NAA11: variants seen among roughly 807,000 people sequenced by gnomAD.
The protein encoded by NAA11 is N-alpha-acetyltransferase 11.
A neutral mutation model predicts 16.1 loss-of-function variants in NAA11; 15 were observed. The observed-to-expected ratio is 0.93, with a 90% CI of 0.62 to 1.44. NAA11 has a LOEUF of 1.44. Among genes scored for constraint, NAA11 ranks in the 40% most tolerant of loss-of-function variants. The pLI, the probability that NAA11 is intolerant of heterozygous loss-of-function variation, is 0.00. For missense variants in NAA11, 298 were observed against 291.3 expected (o/e 1.02, Z -0.17); for synonymous variants, 122 against 112.4 (o/e 1.09, Z -0.54).
chr4:79,200,473 T>C, the NAA11 span, among the ~76,000 whole-genome samples: 148 of 151,846 alleles, frequency 9.7e-4, no homozygotes, highest in African/African-American at 3.4e-3. Context: ...GATAAAACTG[T>C]GAAGGTATTG....
chr4:79,248,999 C>G (rs543437316), intron 2 of NAA11, among the ~76,000 whole-genome samples: 106 of 152,316 alleles, frequency 7.0e-4, no homozygotes, highest in African/African-American at 2.5e-3. Context: ...GAGCCCCCCC[C>G]CAGTGCAGCA....
chr4:79,220,159 C>T, the NAA11 span, among the ~76,000 whole-genome samples: 1 of 152,232 alleles, frequency 6.6e-6, no homozygotes, highest in Non-Finnish European at 1.5e-5. Flanking sequence ...GTGGCACGAT[C>T]TCGGCTCACT....
chr4:79,190,281 T>C, the NAA11 span, among the ~76,000 whole-genome samples: 1 of 152,216 alleles, frequency 6.6e-6, no homozygotes, highest in Non-Finnish European at 1.5e-5. Flanking sequence ...TTCACAGAGA[T>C]GAGATTTTGA....
intron 2 of NAA11, among the ~76,000 whole-genome samples, chr4:79,266,936 C>G (rs942434307): frequency 6.6e-6 from 1 of 152,068 alleles, no homozygotes; most frequent in Non-Finnish European, 1.5e-5. Context: ...CATATTCCAC[C>G]AACTCATAGA....
chr4:79,284,446 C>T (rs1189499974), intron 2 of NAA11, among the ~76,000 whole-genome samples: 1 of 152,056 alleles, frequency 6.6e-6, no homozygotes, highest in Non-Finnish European at 1.5e-5. Context: ...CCATGTCTAT[C>T]AATCAAGTTT....
At chr4:79,221,883 G>C (rs62310510), downstream of NAA11, among the ~76,000 whole-genome samples, 2 of 122,166 alleles carry the variant, frequency 1.6e-5, no homozygotes, top group East Asian at 4.9e-4. Flanking sequence ...AATGATGCTG[G>C]CCTCATAAAA....
the NAA11 span, among the ~76,000 whole-genome samples, chr4:79,190,456 C>CTTTTTTTTTTTTTTTTT: frequency 7.0e-6 from 1 of 142,574 alleles, no homozygotes; most frequent in Non-Finnish European, 1.5e-5. Flanking sequence ...TTGTCTCTCC[C>CTTTTTTTTTTTTTTTTT]TTTTTTTTTT....
the NAA11 span, among the ~76,000 whole-genome samples, chr4:79,208,260 G>A: frequency 2.6e-5 from 4 of 152,188 alleles, no homozygotes; most frequent in East Asian, 7.7e-4. Context: ...AAGCCTCAGT[G>A]TTCTAATCTG....
Position 79,317,571 on chromosome 4 carries a change from T to C in NAA11, c.*233A>G, listed in dbSNP as rs1560474498. On this transcript the variant is annotated 3_prime_UTR_variant, in exon 2 of 2. Transcript: ENST00000286794. ...GAGTAGGCCAAGAAAGGTTCTGTAA[T>C]GGCAGGTCTCAAAGTTCCTTGGCTG... The C allele has an allele frequency of 1.3e-5, 2 of 152,248 alleles. No homozygotes were observed. Among genetic ancestry groups the C allele is most frequent in the Non-Finnish European group, 2.9e-5 (2 of 68,090 alleles). The allele number at this position is 152,248 out of a possible 1,614,324, so 9.4% of individuals were successfully genotyped here.
intron 2 of NAA11, among the ~76,000 whole-genome samples, chr4:79,285,435 C>T (rs1474331727): frequency 6.6e-6 from 1 of 152,054 alleles, no homozygotes; most frequent in Admixed American, 6.5e-5. Context: ...CCAAGAGCAA[C>T]TCTAAGCTGC....
At chr4:79,260,521 G>A (rs1722226148) in intron 2 of NAA11, among the ~76,000 whole-genome samples, 2 of 152,184 alleles carry the variant, frequency 1.3e-5, no homozygotes, top group Admixed American at 1.3e-4. Flanking sequence ...TTTAGGTACA[G>A]TGTACATAGA....
At chr4:79,298,845 A>G (rs1723305729) in intron 1 of NAA11, among the ~76,000 whole-genome samples, 1 of 152,244 alleles carries the variant, frequency 6.6e-6, no homozygotes, top group South Asian at 2.1e-4. Context: ...GGAAATGGAC[A>G]TCCCGAAGAT....
the NAA11 span, among the ~76,000 whole-genome samples, chr4:79,181,105 C>G: frequency 0.81 from 122,652 of 151,850 alleles, 51,802 homozygotes; most frequent in East Asian, 1. Flanking sequence ...GGGAGGGATA[C>G]CATTAGGAGG....
intron 2 of NAA11, among the ~76,000 whole-genome samples, chr4:79,243,969 C>T (rs912891720): frequency 2.6e-5 from 4 of 152,206 alleles, no homozygotes; most frequent in Admixed American, 6.5e-5. Context: ...ATTGAGCATG[C>T]GCAGTGTGTT....
intron 2 of NAA11, among the ~76,000 whole-genome samples, chr4:79,287,244 G>A (rs1560449777): frequency 2.0e-5 from 3 of 152,028 alleles, no homozygotes; most frequent in Non-Finnish European, 2.9e-5. Context: ...GTCATATTAG[G>A]ACATTTAATT....
intron 2 of NAA11, among the ~76,000 whole-genome samples, chr4:79,247,999 C>T (rs989594114): frequency 5.9e-5 from 9 of 152,132 alleles, no homozygotes; most frequent in African/African-American, 2.2e-4. Context: ...TGCCTTGCTC[C>T]CCTAGGAGAC....
chr4:79,238,043 G>A (rs967855981), intron 2 of NAA11, among the ~76,000 whole-genome samples: 2 of 152,202 alleles, frequency 1.3e-5, no homozygotes, highest in African/African-American at 2.4e-5. Flanking sequence ...TCTAAGGAAT[G>A]TGCCAAGTAG....
At chr4:79,237,781 G>T (rs1448638057) in intron 2 of NAA11, among the ~76,000 whole-genome samples, 1 of 152,150 alleles carries the variant, frequency 6.6e-6, no homozygotes, top group African/African-American at 2.4e-5. Context: ...AAGCTTCCAA[G>T]CTACATGTGG....
chr4:79,284,958 G>C (rs138709708), intron 2 of NAA11, among the ~76,000 whole-genome samples: 28 of 152,130 alleles, frequency 1.8e-4, no homozygotes, highest in African/African-American at 6.7e-4. Flanking sequence ...GTATTGGTTA[G>C]GAGGTAGGTG....
Sources: allele counts gnomAD v4.1 joint callset (sites outside exome capture counted in the v4.1 genomes callset), GRCh38; gene constraint gnomAD v4.1.1; transcripts MANE v1.5; gene names NCBI Gene and HGNC (gene_info 2026-07-23, HGNC 2026-07-21).